Variants in KCTD16 observed in about 807,000 individuals in gnomAD.
The protein encoded by KCTD16 is potassium channel tetramerization domain containing 16.
Under a neutral mutation model 33.2 loss-of-function variants are expected in KCTD16, and 13 were observed. The observed-to-expected ratio is 0.39, with a 90% CI of 0.25 to 0.62. KCTD16 has a LOEUF of 0.62. Ranked by LOEUF, KCTD16 falls within the 20% of genes least tolerant of loss-of-function variation. The pLI is 0.50. For synonymous variants in KCTD16, 197 were observed against 195.3 expected (o/e 1.01, Z -0.07); for missense variants, 441 against 525.1 (o/e 0.84, Z 1.57).
At chr5:144,203,519 T>C (rs1753089288) in intron 2 of KCTD16, among the ~76,000 whole-genome samples, 2 of 152,168 alleles carry the variant, frequency 1.3e-5, no homozygotes, top group African/African-American at 4.8e-5. Flanking sequence ...AACCTCTCTG[T>C]TCCTCAGTTC....
chr5:144,228,425 T>C (rs146607544), intron 3 of KCTD16, among the ~76,000 whole-genome samples: 1 of 152,320 alleles, frequency 6.6e-6, no homozygotes, highest in Non-Finnish European at 1.5e-5. Context: ...AGGTCATTGA[T>C]AACTTTGACA....
chr5:144,444,790 T>G (rs1753785300), intron 3 of KCTD16, among the ~76,000 whole-genome samples: 1 of 151,426 alleles, frequency 6.6e-6, no homozygotes, highest in Non-Finnish European at 1.5e-5. Context: ...ATTGTTGTCG[T>G]CTATTCCAGA....
chr5:144,286,102 C>T (rs1334766942), intron 3 of KCTD16, among the ~76,000 whole-genome samples: 2 of 151,386 alleles, frequency 1.3e-5, no homozygotes, highest in Non-Finnish European at 2.9e-5. Context: ...CGGGAGGTTT[C>T]GGGATTTATT....
chr5:144,404,127 C>T (rs1473963204), intron 3 of KCTD16, among the ~76,000 whole-genome samples: 3 of 152,144 alleles, frequency 2.0e-5, no homozygotes, highest in African/African-American at 7.2e-5. Flanking sequence ...TCATGCTCTA[C>T]TCAATTCATT....
At chr5:144,179,012 A>G (rs984838809) in intron 2 of KCTD16, among the ~76,000 whole-genome samples, 2 of 152,268 alleles carry the variant, frequency 1.3e-5, no homozygotes, top group Non-Finnish European at 2.9e-5. Flanking sequence ...TTAACTGGCT[A>G]CACATATTAA....
chr5:144,177,968 T>C (rs1468266439), intron 2 of KCTD16, among the ~76,000 whole-genome samples: 1 of 152,246 alleles, frequency 6.6e-6, no homozygotes, highest in Non-Finnish European at 1.5e-5. Flanking sequence ...GTTGTCACTA[T>C]TGCAGAGTGG....
At chr5:144,469,596 T>C (rs577938973) in intron 3 of KCTD16, among the ~76,000 whole-genome samples, 1 of 152,332 alleles carries the variant, frequency 6.6e-6, no homozygotes, top group African/African-American at 2.4e-5. Context: ...CTATCTCATT[T>C]AATTTTCTTC....
chr5:144,191,125 A>G (rs1357194580), intron 2 of KCTD16, among the ~76,000 whole-genome samples: 1 of 152,174 alleles, frequency 6.6e-6, no homozygotes, highest in Non-Finnish European at 1.5e-5. Context: ...ACTGTTGTAA[A>G]AACGGAAATT....
intron 3 of KCTD16, among the ~76,000 whole-genome samples, chr5:144,267,975 C>T (rs754113116): frequency 5.9e-5 from 9 of 152,136 alleles, no homozygotes; most frequent in Non-Finnish European, 1.3e-4. Flanking sequence ...TCCATCGCCC[C>T]ACCTAAACAG....
intron 3 of KCTD16, among the ~76,000 whole-genome samples, chr5:144,378,489 G>T (rs1420116568): frequency 9.9e-5 from 15 of 152,046 alleles, no homozygotes; most frequent in Admixed American, 9.8e-4. Flanking sequence ...TTGAAGAGTG[G>T]TTTTCATTTC....
intron 3 of KCTD16, among the ~76,000 whole-genome samples, chr5:144,418,273 G>C (rs563995006): frequency 2.0e-5 from 3 of 152,132 alleles, no homozygotes; most frequent in African/African-American, 4.8e-5. Flanking sequence ...GAAGGAGACC[G>C]AGTGGGTTGC....
chr5:144,212,741 C>T (rs575112079), intron 3 of KCTD16, among the ~76,000 whole-genome samples: 2 of 152,108 alleles, frequency 1.3e-5, no homozygotes, highest in Non-Finnish European at 2.9e-5. Context: ...TTTGCCTCTG[C>T]GATGGCTTTT....
intron 3 of KCTD16, among the ~76,000 whole-genome samples, chr5:144,317,219 A>G (rs1356155732): frequency 6.6e-6 from 1 of 152,138 alleles, no homozygotes; most frequent in Non-Finnish European, 1.5e-5. Flanking sequence ...TAAGGAGTGC[A>G]GTGACTTCCC....
intron 3 of KCTD16, among the ~76,000 whole-genome samples, chr5:144,405,935 G>C (rs193302548): frequency 9.2e-5 from 14 of 152,278 alleles, no homozygotes; most frequent in Admixed American, 5.9e-4. Context: ...TTAATTTTGA[G>C]TTTCCAATGG....
At chr5:144,426,187 A>G (rs568287883) in intron 3 of KCTD16, among the ~76,000 whole-genome samples, 4 of 152,268 alleles carry the variant, frequency 2.6e-5, no homozygotes, top group South Asian at 2.1e-4. Flanking sequence ...TCTGCATTCT[A>G]TCAAGCCCTA....
chr5:144,196,873 G>T (rs925300682), intron 2 of KCTD16, among the ~76,000 whole-genome samples: 1 of 152,212 alleles, frequency 6.6e-6, no homozygotes, highest in African/African-American at 2.4e-5. Flanking sequence ...TGTGAGATGT[G>T]CTTGAGGCTC....
chr5:144,331,261 C>A (rs1402644790), intron 3 of KCTD16, among the ~76,000 whole-genome samples: 1 of 152,136 alleles, frequency 6.6e-6, no homozygotes, highest in African/African-American at 2.4e-5. Flanking sequence ...TGGTCTTTTG[C>A]TTTAAGCTAA....
chr5:144,351,386 A>G (rs1751427326), intron 3 of KCTD16, among the ~76,000 whole-genome samples: 1 of 152,218 alleles, frequency 6.6e-6, no homozygotes, highest in Non-Finnish European at 1.5e-5. Context: ...AATGGCTATT[A>G]TCAAAAAGAC....
chr5:144,467,485 G>T (rs1335437964), intron 3 of KCTD16, among the ~76,000 whole-genome samples: 1 of 152,156 alleles, frequency 6.6e-6, no homozygotes, highest in Non-Finnish European at 1.5e-5. Context: ...AAGGAAACAA[G>T]CACATCCCTT....
Sources: gnomAD v4.1 joint callset for allele counts (sites outside exome capture counted in the v4.1 genomes callset) on GRCh38, gnomAD v4.1.1 for gene constraint, MANE v1.5 for transcripts, NCBI Gene and HGNC (gene_info 2026-07-23, HGNC 2026-07-21) for gene names.